The following CIBAR1 variants were observed in gnomAD, a reference collection of about 807,000 sequenced individuals.
CIBAR1 encodes the protein CBY1 interacting BAR domain containing 1.
A neutral mutation model predicts 44.0 loss-of-function variants in CIBAR1; 25 were observed. The observed-to-expected ratio is 0.57, with a 90% CI of 0.41 to 0.79. The LOEUF is 0.79. CIBAR1 is among the 30% of genes least tolerant of loss of function. The pLI, the probability that CIBAR1 is intolerant of heterozygous loss-of-function variation, is 0.00. For missense variants in CIBAR1, 278 were observed against 344.8 expected, an observed-to-expected ratio of 0.81 and a Z score of 1.53; for synonymous variants, 115 against 119.0, an observed-to-expected ratio of 0.97 and a Z score of 0.22.
intron 4 of CIBAR1, chr8:93,707,144 G>T: frequency 2.9e-6 from 1 of 340,160 alleles, no homozygotes; most frequent in Non-Finnish European, 5.8e-6. Flanking sequence ...TGTATTCATG[G>T]AGTTGTATCT....
Position 93,700,684 on chromosome 8 carries a change from G to T in CIBAR1, c.26+11G>T, listed in dbSNP as rs766421674. 2 of 1,503,592 alleles carry T rather than the reference G, an allele frequency of 1.3e-6. No homozygotes were observed. Among genetic ancestry groups the T allele is most frequent in the Middle Eastern group, 1.7e-4 (1 of 5,756 alleles). The allele number at this position is 1,503,592 out of a possible 1,614,324, so 93.1% of individuals were successfully genotyped here. Reference sequence around the variant, plus strand: ...CACCCTGGAAAACCGGTAACAGCCCGAGCCCAGCTGCCCAGGGCCGCCCAC... The same window carrying T: ...CACCCTGGAAAACCGGTAACAGCCCTAGCCCAGCTGCCCAGGGCCGCCCAC... On this transcript the variant is annotated intron_variant, in intron 1 of 8. Transcript: ENST00000518322.
At chr8:93,709,019 C>T (rs1324382789) in intron 5 of CIBAR1, among the ~76,000 whole-genome samples, 1 of 152,096 alleles carries the variant, frequency 6.6e-6, no homozygotes, top group Non-Finnish European at 1.5e-5. Flanking sequence ...TGGCTTACAC[C>T]TGTAATCCCT....
At chr8:93,707,629 A>G (rs1045028297) in intron 4 of CIBAR1, among the ~76,000 whole-genome samples, 9 of 152,216 alleles carry the variant, frequency 5.9e-5, no homozygotes, top group African/African-American at 2.2e-4. Context: ...TAAGTCTTCA[A>G]AGGAGCTCTA....
At chr8:93,710,836 CAA>C (rs35465241) in intron 6 of CIBAR1, among the ~76,000 whole-genome samples, 23 of 120,542 alleles carry the variant, frequency 1.9e-4, no homozygotes, top group Admixed American at 2.6e-4. Context: ...GACTCTGACT[CAA>C]AAAAAAAAAA....
chr8:93,709,125 A>C (rs1238047253), intron 5 of CIBAR1, among the ~76,000 whole-genome samples: 1 of 152,124 alleles, frequency 6.6e-6, no homozygotes, highest in African/African-American at 2.4e-5. Context: ...CTAAAAATAC[A>C]AAAAATTAGC....
intron 7 of CIBAR1, among the ~76,000 whole-genome samples, chr8:93,722,479 A>C (rs751022749): frequency 6.6e-6 from 1 of 152,110 alleles, no homozygotes; most frequent in Non-Finnish European, 1.5e-5. Context: ...CAGGCGGATC[A>C]TGAGGTCAGG....
intron 6 of CIBAR1, among the ~76,000 whole-genome samples, chr8:93,713,033 C>CTTTTTTTTTTTTTTT (rs149552672): frequency 9.3e-5 from 12 of 128,804 alleles, no homozygotes; most frequent in Middle Eastern, 4.5e-3. Context: ...CCTTTTTTTT[C>CTTTTTTTTTTTTTTT]TTTTTTTTTT....
At chr8:93,723,305 G>A (rs1233880193) in intron 7 of CIBAR1, among the ~76,000 whole-genome samples, 1 of 152,122 alleles carries the variant, frequency 6.6e-6, no homozygotes, top group African/African-American at 2.4e-5. Flanking sequence ...CCAAGTCATT[G>A]CATTTTTATG....
At position 93,730,974 on chromosome 8, in the gene CIBAR1, AAC is replaced by A. The variant is rs778831653; in HGVS notation, c.*2681_*2682del. 13 of 152,234 alleles carry A rather than the reference AAC, an allele frequency of 8.5e-5. No homozygotes were observed. Among genetic ancestry groups the A allele is most frequent in the Non-Finnish European group, 1.8e-4 (12 of 68,070 alleles). 9.4% of individuals were successfully genotyped at this position (152,234 alleles called of 1,614,324 possible). A position where few individuals can be genotyped will look rare whatever the true frequency, so the allele number is the denominator to read the frequency against. The stretch of plus-strand genomic sequence containing the variant: ...CCAGAAATTTGAGAACAGCCTGGGC[AAC>A]ACAGTGAGACTCTGTCTCTACAAAT... On this transcript the variant is annotated 3_prime_UTR_variant, in exon 9 of 9. Transcript: ENST00000518322.
Position 93,729,630 on chromosome 8 carries a change from C to A in CIBAR1, c.*1333C>A, listed in dbSNP as rs1035981038. Reference sequence around the variant, plus strand: ...GGAATACTATCCATGAAAATACTTTCATTAATGTAAAATTTTCATTATTTA... The same window carrying A: ...GGAATACTATCCATGAAAATACTTTAATTAATGTAAAATTTTCATTATTTA... On this transcript the variant is annotated 3_prime_UTR_variant, in exon 9 of 9. Coordinates refer to ENST00000518322, the MANE Select transcript of CIBAR1 (RefSeq NM_145269.5). 4 of 152,180 alleles carry A rather than the reference C, an allele frequency of 2.6e-5. No homozygotes were observed. Among genetic ancestry groups the A allele is most frequent in the Non-Finnish European group, 5.9e-5 (4 of 68,002 alleles). 9.4% of individuals were successfully genotyped at this position (152,180 alleles called of 1,614,324 possible).
intron 1 of CIBAR1, 173 bp downstream of exon 1, chr8:93,700,846 G>T (rs967651787): frequency 1.5e-6 from 2 of 1,310,156 alleles, no homozygotes; most frequent in Non-Finnish European, 1.9e-6. Context: ...CACCGCCGGC[G>T]GCGAAGAGGA....
intron 7 of CIBAR1, among the ~76,000 whole-genome samples, chr8:93,724,274 T>C (rs2130378487): frequency 6.6e-6 from 1 of 152,332 alleles, no homozygotes; most frequent in East Asian, 1.9e-4. Flanking sequence ...GTGAAGGGTA[T>C]GTAGAGTCAA....
chr8:93,718,748 AC>A lies in CIBAR1; in HGVS notation c.619del (p.Gln207ArgfsTer12). The A allele has an allele frequency of 6.4e-7, 1 of 1,570,574 alleles. No homozygotes were observed. The highest frequency in any genetic ancestry group is 2.3e-5 in the East Asian group (1 of 43,752). ...GKALEVYTAA[Y>X]QNIQNIDEDE... The stretch of plus-strand genomic sequence containing the variant: ...GCTTTAGAGGTCTACACTGCTGCCT[AC>A]CAGAATATACAAAACATTGATGAAG... On this transcript the variant is annotated frameshift_variant, in exon 7 of 9. Transcript: ENST00000518322. LOFTEE classifies it high-confidence loss of function.
In CIBAR1 at chr8:93,707,256, T is replaced by C. The variant is rs2130300972; in HGVS notation, c.433-755T>C. On this transcript the variant is annotated intron_variant, in intron 4 of 8. Transcript: ENST00000518322. ...AAATATTAGAAATCTATATTCTCTT[T>C]GCTAAAAATGGATGTGTTACTTTAG... 2 of 428,636 alleles carry C rather than the reference T, an allele frequency of 4.7e-6. 1 individual carries two copies. The highest frequency in any genetic ancestry group is 9.3e-6 in the Non-Finnish European group (2 of 215,088). The allele number at this position is 428,636 out of a possible 1,614,324, so 26.6% of individuals were successfully genotyped here.
intron 7 of CIBAR1, chr8:93,719,615 A>G (rs537276924): frequency 1.3e-5 from 2 of 152,338 alleles, no homozygotes; most frequent in African/African-American, 4.8e-5. Context: ...TGACTGTGTA[A>G]TGTAATCACT....
chr8:93,730,292 T>A lies in CIBAR1; in HGVS notation c.*1995T>A, dbSNP rs1686274237. 1 of 152,220 alleles carries A rather than the reference T, an allele frequency of 6.6e-6. No homozygotes were observed. Among genetic ancestry groups the A allele is most frequent in the Admixed American group, 6.5e-5 (1 of 15,286 alleles). 9.4% of individuals were successfully genotyped at this position (152,220 alleles called of 1,614,324 possible). ...AGGTGATATATGGATCAAGAATCAC[T>A]GCTCTTAACAGTGATCTCAGTAAAT... On this transcript the variant is annotated 3_prime_UTR_variant, in exon 9 of 9. Coordinates refer to ENST00000518322, the MANE Select transcript of CIBAR1 (RefSeq NM_145269.5).
chr8:93,701,132 G>A (rs1481700575), intron 1 of CIBAR1, 92 bp from the exon 2 acceptor site: 1 of 1,518,608 alleles, frequency 6.6e-7, no homozygotes, highest in African/African-American at 1.4e-5. Flanking sequence ...CAAAGCTGCA[G>A]AATGCCCGGG....
chr8:93,716,569 T>C (rs538675951), intron 6 of CIBAR1, among the ~76,000 whole-genome samples: 27 of 152,160 alleles, frequency 1.8e-4, no homozygotes, highest in Non-Finnish European at 2.5e-4. Flanking sequence ...TTGAGAAAAT[T>C]AGCCCTTCAA....
chr8:93,717,702 T>C (rs115620007), intron 6 of CIBAR1, among the ~76,000 whole-genome samples: 1,532 of 152,252 alleles, frequency 0.01, 21 homozygotes, highest in African/African-American at 0.035. Flanking sequence ...TGAAGGAAAA[T>C]GTGTATTTGA....
Sources: gnomAD v4.1 joint callset for allele counts (sites outside exome capture counted in the v4.1 genomes callset) on GRCh38, gnomAD v4.1.1 for gene constraint, MANE v1.5 for transcripts, NCBI Gene and HGNC (gene_info 2026-07-23, HGNC 2026-07-21) for gene names.